The following RFTN1 variants were observed in gnomAD, a reference collection of about 807,000 sequenced individuals.
RFTN1 encodes raftlin.
Under a neutral mutation model 46.5 loss-of-function variants are expected in RFTN1, and 26 were observed. The ratio of observed to expected loss-of-function variants is 0.56; its 90% CI spans 0.41 to 0.78. The LOEUF is 0.78. Among genes scored for constraint, RFTN1 ranks in the 30% least tolerant of loss-of-function variants. RFTN1 has a pLI of 0.00. For missense variants in RFTN1, 693 were observed against 718.7 expected (o/e 0.96, Z 0.41); for synonymous variants, 261 against 284.2 (o/e 0.92, Z 0.82).
rs1187838160 is a variant in RFTN1 at position 16,383,832 on chromosome 3, G to A, written c.442-5730C>T. On this transcript the variant is annotated intron_variant, in intron 4 of 9. Transcript: ENST00000334133. The surrounding 1 kb of genome is among the most constrained non-coding windows in gnomAD (Gnocchi z 4.0). ...GGGATTGGAGTGTCCACAGCCTGTA[G>A]TAGATAGCATGGGTAAAGAGTCAGA... Among the ~76,000 whole-genome samples, 1 of 152,210 alleles carries A rather than the reference G, an allele frequency of 6.6e-6. No individual in the cohort carries two copies. The highest frequency in any genetic ancestry group is 1.9e-4 in the East Asian group (1 of 5,200).
In RFTN1 at chr3:16,443,682, G is replaced by A. The variant is rs2075672375; in HGVS notation, c.146-9645C>T. 6.6e-6 allele frequency among the ~76,000 whole-genome samples: 1 copy of A among 151,928 alleles called. No homozygotes were observed. On this transcript the variant is annotated intron_variant, in intron 2 of 9. Coordinates refer to ENST00000334133, the MANE Select transcript of RFTN1 (RefSeq NM_015150.2). This position sits in a 1 kb window ranked among gnomAD's most constrained non-coding sequence, Gnocchi z 5.5. ...AGGCTGTCGTGACAATGGGAGCGGG[G>A]AAGAGTTAAGTTGTTATTGGTTTGC...
chr3:16,369,652 A>T (rs539803835), intron 6 of RFTN1, among the ~76,000 whole-genome samples: 1 of 152,302 alleles, frequency 6.6e-6, no homozygotes, highest in African/African-American at 2.4e-5. Flanking sequence ...AGGCTGTTCA[A>T]TTTATTTCTC....
chr3:16,373,693 G>T (rs1255533682), intron 5 of RFTN1, among the ~76,000 whole-genome samples: 1 of 152,196 alleles, frequency 6.6e-6, no homozygotes, highest in Non-Finnish European at 1.5e-5. Context: ...GGCTCCAAGG[G>T]CTAGATGTGG....
At position 16,356,764 on chromosome 3, in the gene RFTN1, C is replaced by G. The variant is rs2072463400; in HGVS notation, c.1146+1168G>C. 6.6e-6 allele frequency among the ~76,000 whole-genome samples: 1 copy of G among 152,214 alleles called. No individual in the cohort carries two copies. Among genetic ancestry groups the G allele is most frequent in the Non-Finnish European group, 1.5e-5 (1 of 68,028 alleles). On this transcript the variant is annotated intron_variant, in intron 7 of 9. Coordinates refer to ENST00000334133, the MANE Select transcript of RFTN1 (RefSeq NM_015150.2). This position sits in a 1 kb window ranked among gnomAD's most constrained non-coding sequence, Gnocchi z 4.9. ...CCTCGGCCTGGAGAGCCCTCTTTGG[C>G]AGAGGCCCTCCCAGCAATGCCAATC... is the stretch of plus-strand genomic sequence containing the variant.
In RFTN1 at chr3:16,433,334, C is replaced by A. The variant is rs2075433240; in HGVS notation, c.332+517G>T. ...CTGAAAATCTAAATCAAGACCAAAC[C>A]AATTATAGCATTTTATTTAGGTGGT... On this transcript the variant is annotated intron_variant, in intron 3 of 9. Transcript: ENST00000334133. The surrounding 1 kb of genome is among the most constrained non-coding windows in gnomAD (Gnocchi z 4.4). 6.6e-6 allele frequency among the ~76,000 whole-genome samples: 1 copy of A among 152,016 alleles called. No homozygotes were observed. The highest frequency in any genetic ancestry group is 6.6e-5 in the Admixed American group (1 of 15,266).
At chr3:16,496,821 C>T (rs13087074) in intron 1 of RFTN1, among the ~76,000 whole-genome samples, 56,880 of 151,954 alleles carry the variant, frequency 0.37, 10,793 homozygotes, top group South Asian at 0.5. Context: ...TCCTGGAAAC[C>T]GCCCAAACAC....
At chr3:16,486,493 G>A (rs368673276) in intron 2 of RFTN1, among the ~76,000 whole-genome samples, 11 of 152,168 alleles carry the variant, frequency 7.2e-5, no homozygotes, top group Admixed American at 6.5e-4. Context: ...GGTTATCTCC[G>A]TGTTTTGATC....
Position 16,451,870 on chromosome 3 carries a change from C to T in RFTN1, c.146-17833G>A, listed in dbSNP as rs2075828169. Among the ~76,000 whole-genome samples, 1 of 152,116 alleles carries T rather than the reference C, an allele frequency of 6.6e-6. No homozygotes were observed. The highest frequency in any genetic ancestry group is 2.4e-5 in the African/African-American group (1 of 41,408). ...GCTTCATTTTGGCATATCCGAATTG[C>T]CAGCATCACTAGCTTTGTGCTTTGG... On this transcript the variant is annotated intron_variant, in intron 2 of 9. Coordinates refer to ENST00000334133, the MANE Select transcript of RFTN1 (RefSeq NM_015150.2). This position sits in a 1 kb window ranked among gnomAD's most constrained non-coding sequence, Gnocchi z 4.2.
rs151244908 is a variant in RFTN1, at chr3:16,378,069, C to T, written c.475G>A (p.Val159Ile). Residue 159 changes from valine to isoleucine, a missense_variant, in exon 5 of 10, where the codon GTT becomes ATT. Val to Ile is a conservative substitution (Grantham distance 29). Transcript: ENST00000334133. ...GAATGGTACTGAGGTATAACACCAA[C>T]GAATTTCAGGCCCTGGCTTGCAGCC... ...QEAASQGLKF[V>I]GVIPQYHSSV... The T allele has an allele frequency of 2.6e-4, 412 of 1,611,560 alleles. No homozygotes were observed. Among genetic ancestry groups the T allele is most frequent in the African/African-American group, 1.9e-3 (140 of 75,014 alleles).
In RFTN1 at chr3:16,473,977, GA is replaced by G. The variant is rs1290747978; in HGVS notation, c.145+19747del. Among the ~76,000 whole-genome samples, 1 of 152,112 alleles carries G rather than the reference GA, an allele frequency of 6.6e-6. No homozygotes were observed. Among genetic ancestry groups the G allele is most frequent in the Non-Finnish European group, 1.5e-5 (1 of 68,008 alleles). On this transcript the variant is annotated intron_variant, in intron 2 of 9. Coordinates refer to ENST00000334133, the MANE Select transcript of RFTN1 (RefSeq NM_015150.2). The surrounding 1 kb of genome is among the most constrained non-coding windows in gnomAD (Gnocchi z 5.3). Reference sequence around the variant, plus strand: ...CGTGCAGTTGCCCACCCAATATGGTGAACAACAGCCCTTGGAGAGGGATTGA... The same window carrying G: ...CGTGCAGTTGCCCACCCAATATGGTGACAACAGCCCTTGGAGAGGGATTGA...
In RFTN1 at chr3:16,410,238, C is replaced by G. The variant is rs1038470761; in HGVS notation, c.333-755G>C. Among the ~76,000 whole-genome samples the G allele has an allele frequency of 2.0e-5, 3 of 150,910 alleles. No individual in the cohort carries two copies. Among genetic ancestry groups the G allele is most frequent in the Non-Finnish European group, 4.4e-5 (3 of 67,578 alleles). On this transcript the variant is annotated intron_variant, in intron 3 of 9. Coordinates refer to ENST00000334133, the MANE Select transcript of RFTN1 (RefSeq NM_015150.2). The surrounding 1 kb of genome is among the most constrained non-coding windows in gnomAD (Gnocchi z 4.6). ...ACACACACACACACACACACACACA[C>G]ACACACACACACACACACACAAACT...
At chr3:16,390,747 C>T (rs2074324682) in intron 4 of RFTN1, among the ~76,000 whole-genome samples, 2 of 152,164 alleles carry the variant, frequency 1.3e-5, no homozygotes, top group Admixed American at 1.3e-4. Flanking sequence ...TAACGAGAAG[C>T]TGTCATTGCC....
At chr3:16,388,581 C>G (rs985680014) in intron 4 of RFTN1, among the ~76,000 whole-genome samples, 4 of 152,130 alleles carry the variant, frequency 2.6e-5, no homozygotes, top group African/African-American at 9.7e-5. Flanking sequence ...GGTTGCAGGT[C>G]CAGAGACATG....
chr3:16,393,399 C>G (rs758783150), intron 4 of RFTN1, among the ~76,000 whole-genome samples: 6 of 152,160 alleles, frequency 3.9e-5, no homozygotes, highest in Non-Finnish European at 2.9e-5. Context: ...GCACATAAGA[C>G]AGAAAGTGAA....
At position 16,327,186 on chromosome 3, in the gene RFTN1, G is replaced by T. The variant is rs690097; in HGVS notation, c.1147-310C>A. Among the ~76,000 whole-genome samples the T allele has an allele frequency of 0.59, 89,648 of 151,420 alleles. 26,763 individuals are homozygous for T. Among genetic ancestry groups the T allele is most frequent in the African/African-American group, 0.68 (28,237 of 41,252 alleles). On this transcript the variant is annotated intron_variant, in intron 7 of 9. Coordinates refer to ENST00000334133, the MANE Select transcript of RFTN1 (RefSeq NM_015150.2). This position sits in a 1 kb window ranked among gnomAD's most constrained non-coding sequence, Gnocchi z 4.2. ...GCCTCCTGTGAGTTTCACTGACGAA[G>T]CATAACTGTCTCACCTCTGAGCGGT...
chr3:16,434,171 T>A (rs2125496315), intron 2 of RFTN1, 134 bp from the exon 3 acceptor site: 1 of 738,222 alleles, frequency 1.4e-6, no homozygotes, highest in Non-Finnish European at 2.1e-6. Flanking sequence ...CAGTTTTTAC[T>A]GTCTTCAAAC....
Position 16,474,462 on chromosome 3 carries a change from A to T in RFTN1, c.145+19263T>A, listed in dbSNP as rs945086353. Among the ~76,000 whole-genome samples the T allele has an allele frequency of 6.6e-6, 1 of 152,188 alleles. No homozygotes were observed. Among genetic ancestry groups the T allele is most frequent in the East Asian group, 1.9e-4 (1 of 5,200 alleles). On this transcript the variant is annotated intron_variant, in intron 2 of 9. Transcript: ENST00000334133. The surrounding 1 kb of genome is among the most constrained non-coding windows in gnomAD (Gnocchi z 5.5). ...CTGCTATTTGCCCTCCTCCCCCAAGATAAACAAAGGCTGACCATGAGAAAG... is the reference window on the plus strand; with the variant it reads ...CTGCTATTTGCCCTCCTCCCCCAAGTTAAACAAAGGCTGACCATGAGAAAG...
rs769548887 is a variant in RFTN1, at chr3:16,352,184, ACT to A, written c.1146+5746_1146+5747del. On this transcript the variant is annotated intron_variant, in intron 7 of 9. Transcript: ENST00000334133. The surrounding 1 kb of genome is among the most constrained non-coding windows in gnomAD (Gnocchi z 4.6). Reference sequence around the variant, plus strand: ...TGCATCAGCTGTAAGTGCTTTTTCTACTCTCTTATGTTCCATTCTGGCACCAA... The same window carrying A: ...TGCATCAGCTGTAAGTGCTTTTTCTACTCTTATGTTCCATTCTGGCACCAA... Among the ~76,000 whole-genome samples the A allele has an allele frequency of 1.3e-5, 2 of 152,126 alleles. No individual in the cohort carries two copies. The highest frequency in any genetic ancestry group is 2.9e-5 in the Non-Finnish European group (2 of 68,014).
Position 16,345,728 on chromosome 3 carries a change from G to T in RFTN1, c.1146+12204C>A, listed in dbSNP as rs2071611381. On this transcript the variant is annotated intron_variant, in intron 7 of 9. Transcript: ENST00000334133. The surrounding 1 kb of genome is among the most constrained non-coding windows in gnomAD (Gnocchi z 5.2). The stretch of plus-strand genomic sequence containing the variant: ...TTCCTGGGTCTCCAGCTTGCAGATA[G>T]CAGACTGTGGGACTCCTCAGCCTCC... Among the ~76,000 whole-genome samples the T allele has an allele frequency of 6.6e-6, 1 of 151,852 alleles. No individual in the cohort carries two copies. The highest frequency in any genetic ancestry group is 6.5e-5 in the Admixed American group (1 of 15,270).
Sources: gnomAD v4.1 joint callset for allele counts (sites outside exome capture counted in the v4.1 genomes callset) on GRCh38, gnomAD v4.1.1 for gene constraint, Gnocchi (gnomAD v3.1) non-coding constraint, MANE v1.5 for transcripts, NCBI Gene and HGNC (gene_info 2026-07-23, HGNC 2026-07-21) for gene names.